The following MRGPRX1 variants were observed in gnomAD, a reference collection of about 807,000 sequenced individuals.
MRGPRX1 encodes the protein MAS related GPR family member X1, also known as mas-related G protein-coupled receptor member X1.
For missense variants in MRGPRX1, 411 were observed against 393.8 expected, an observed-to-expected ratio of 1.04 and a Z score of -0.37; for synonymous variants, 208 against 170.4, an observed-to-expected ratio of 1.22 and a Z score of -1.72.
chr11:18,933,874 C>T lies in MRGPRX1; in HGVS notation c.911G>A (p.Gly304Asp), dbSNP rs771228954. The change falls in exon 2 of 2, where the codon GGT becomes GAT. Residue 304 changes from glycine (G) to aspartate (D), a missense_variant. By Grantham distance (94) the Gly-to-Asp change is moderately conservative. Transcript: ENST00000526914. Reference sequence around the variant, plus strand: ...GATTTCCTCAGGAAGCTGCCCTCCACCTTCATCCACCTCAGACGCGTCCTG... The same window carrying T: ...GATTTCCTCAGGAAGCTGCCCTCCATCTTCATCCACCTCAGACGCGTCCTG... ...ALQDASEVDE[G>D]GGQLPEEILE... 5 of 1,610,422 alleles carry T rather than the reference C, an allele frequency of 3.1e-6. 1 individual carries two copies. The highest frequency in any genetic ancestry group is 3.4e-6 in the Non-Finnish European group (4 of 1,178,112).
rs772396259 is a variant in MRGPRX1 at position 18,933,882 on chromosome 11, C to T, written c.903G>A (p.Val301=). The change falls in exon 2 of 2, where the codon GTG becomes GTA. Residue 301 remains valine, a synonymous_variant. Transcript: ENST00000526914. ...CAGGAAGCTGCCCTCCACCTTCATCCACCTCAGACGCGTCCTGCAGAGCCC... is the reference window on the plus strand; with the variant it reads ...CAGGAAGCTGCCCTCCACCTTCATCTACCTCAGACGCGTCCTGCAGAGCCC... ...LQRALQDASE[V]DEGGGQLPEE... 1.1e-5 allele frequency: 17 copies of T among 1,610,612 alleles called. No individual in the cohort carries two copies. In the South Asian group the frequency reaches 1.7e-4, roughly 16 times the overall value.
chr11:18,934,995 C>G (rs143374728), intron 1 of MRGPRX1, 186 bp from the exon 2 acceptor site: 9,598 of 599,708 alleles, frequency 0.016, 248 homozygotes, highest in Non-Finnish European at 0.018. Flanking sequence ...GACTCTGAAG[C>G]CTGACCTCTC....
chr11:18,933,968 A>G lies in MRGPRX1; in HGVS notation c.817T>C (p.Phe273Leu), dbSNP rs138263314. ...CGCTGCCTAAAGGAGCCCACGAAGA[A>G]GTAAATGATGGGGTTGGCACTGCTG... ...LNSSANPIIY[F>L]FVGSFRQRQN... Residue 273 changes from phenylalanine (F) to leucine (L), a missense_variant, in exon 2 of 2, where the codon TTC (phenylalanine) becomes CTC (leucine). Phe to Leu is a conservative substitution (Grantham distance 22). Transcript: ENST00000526914. 0.027 allele frequency: 43,257 copies of G among 1,603,600 alleles called. 122 individuals are homozygous for G. Among genetic ancestry groups the G allele is most frequent in the Admixed American group, 0.075 (4,387 of 58,542 alleles).
chr11:18,938,948 G>A (rs933784788), intron 1 of MRGPRX1, among the ~76,000 whole-genome samples: 1 of 151,588 alleles, frequency 6.6e-6, no homozygotes, highest in East Asian at 1.9e-4. Flanking sequence ...AACAAAACCT[G>A]CTTCTACAGC....
rs1156361634 is a variant in MRGPRX1, at chr11:18,933,503, A to G, written c.*313T>C. On this transcript the variant is annotated 3_prime_UTR_variant, in exon 2 of 2. Coordinates refer to ENST00000526914, the MANE Select transcript of MRGPRX1 (RefSeq NM_001393578.1). ...AGGAAAGAAGTATAAAGAGTGTTTT[A>G]GGGTTTTGTACAGGAACTCCTTTTA... 6.6e-6 allele frequency among the ~76,000 whole-genome samples: 1 copy of G among 151,520 alleles called. No homozygotes were observed. Among genetic ancestry groups the G allele is most frequent in the Non-Finnish European group, 1.5e-5 (1 of 67,826 alleles).
rs149612531 is a variant in MRGPRX1, at chr11:18,934,191, C to A, written c.594G>T (p.Leu198=). The change falls in exon 2 of 2, where the codon CTG becomes CTT. Residue 198 remains leucine, a synonymous_variant. Coordinates refer to ENST00000526914, the MANE Select transcript of MRGPRX1 (RefSeq NM_001393578.1). ...GGGATCCACAGAGAATCCTGATCAG[C>A]AGGACCAGGCTGGACCCACAGAGAA... ...CVVLCGSSLV[L]LIRILCGSRK... The A allele has an allele frequency of 1.9e-6, 3 of 1,610,462 alleles. No homozygotes were observed. The African/African-American group carries it at 4.0e-5, about 22-fold the overall frequency.
Position 18,933,770 on chromosome 11 carries a change from G to A in MRGPRX1, c.*46C>T, listed in dbSNP as rs377540221. The A allele has an allele frequency of 3.9e-4, 601 of 1,557,416 alleles. No individual in the cohort carries two copies. The highest frequency in any genetic ancestry group is 4.8e-4 in the Non-Finnish European group (557 of 1,153,300). On this transcript the variant is annotated 3_prime_UTR_variant, in exon 2 of 2. Coordinates refer to ENST00000526914, the MANE Select transcript of MRGPRX1 (RefSeq NM_001393578.1). ...GCATATAATTGTCAAGGGTGGCAGGGCAGTGTTGCTCTCAAAGTCCTGTCT... is the reference window on the plus strand; with the variant it reads ...GCATATAATTGTCAAGGGTGGCAGGACAGTGTTGCTCTCAAAGTCCTGTCT...
Position 18,934,563 on chromosome 11 carries a change from G to C in MRGPRX1, c.222C>G (p.Leu74=). The C allele has an allele frequency of 1.2e-6, 2 of 1,609,824 alleles. No individual in the cohort carries two copies. The highest frequency in any genetic ancestry group is 8.5e-7 in the Non-Finnish European group (1 of 1,177,754). The change falls in exon 2 of 2, where the codon CTC becomes CTG. Residue 74 remains leucine (L), a synonymous_variant. Transcript: ENST00000526914. The part of the protein sequence containing the change: ...YILNLAAADF[L]FLSGRLIYSL... The stretch of plus-strand genomic sequence containing the variant: ...AATATATAAGGCGGCCGCTGAGGAA[G>C]AGGAAGTCTGCTGCGGCCAAGTTGA...
At chr11:18,935,594 C>A (rs943104209) in intron 1 of MRGPRX1, among the ~76,000 whole-genome samples, 3 of 151,468 alleles carry the variant, frequency 2.0e-5, no homozygotes, top group African/African-American at 7.3e-5. Flanking sequence ...CTGAAATTGA[C>A]CACTGATGTG....
At chr11:18,934,848 T>G (rs1467420700) in intron 1 of MRGPRX1, 39 bp from the exon 2 acceptor site, 1 of 1,499,610 alleles carries the variant, frequency 6.7e-7, no homozygotes, top group Non-Finnish European at 8.9e-7. Flanking sequence ...AGCTGTATGA[T>G]CTCTGATTCT....
chr11:18,938,568 A>G (rs7111693), intron 1 of MRGPRX1, among the ~76,000 whole-genome samples: 15,174 of 150,772 alleles, frequency 0.1, 1,027 homozygotes, highest in East Asian at 0.22. Flanking sequence ...GGGAATTACA[A>G]TCAACCTGAG....
In MRGPRX1 at chr11:18,934,279, T is replaced by G. The variant is rs780099170; in HGVS notation, c.506A>C (p.Asp169Ala). The G allele has an allele frequency of 6.2e-7, 1 of 1,610,170 alleles. No homozygotes were observed. Among genetic ancestry groups the G allele is most frequent in the Non-Finnish European group, 8.5e-7 (1 of 1,178,060 alleles). ...MLCGFLFSGA[D>A]SAWCQTSDFI... is the part of the protein sequence containing the mutation. ...ATCTGATGTTTGACACCAAGCAGAA[T>G]CAGCACCACTGAACAGGAAGCCACA... is the stretch of plus-strand genomic sequence containing the variant. Residue 169 changes from aspartate to alanine, a missense_variant, in exon 2 of 2, where the codon GAT becomes GCT. By Grantham distance (126) the Asp-to-Ala change is moderately radical (BLOSUM62 -2). Coordinates refer to ENST00000526914, the MANE Select transcript of MRGPRX1 (RefSeq NM_001393578.1).
At chr11:18,937,627 A>T (rs915570397) in intron 1 of MRGPRX1, among the ~76,000 whole-genome samples, 2 of 151,434 alleles carry the variant, frequency 1.3e-5, no homozygotes, top group African/African-American at 2.4e-5. Flanking sequence ...TGTTCAGTAC[A>T]TGCACACCTC....
intron 1 of MRGPRX1, among the ~76,000 whole-genome samples, chr11:18,938,553 AC>A (rs1224027974): frequency 2.0e-5 from 3 of 151,546 alleles, no homozygotes; most frequent in Non-Finnish European, 4.4e-5. Context: ...CCTCCCTCCA[AC>A]ACTGGGAATT....
intron 1 of MRGPRX1, chr11:18,935,075 C>T (rs143866710): frequency 6.6e-4 from 228 of 347,368 alleles, no homozygotes; most frequent in African/African-American, 4.2e-3. Flanking sequence ...ACTCATCTAG[C>T]CAGGGCTGTG....
intron 1 of MRGPRX1, among the ~76,000 whole-genome samples, chr11:18,938,648 C>T (rs1317823174): frequency 1.3e-5 from 2 of 151,502 alleles, no homozygotes; most frequent in African/African-American, 4.8e-5. Context: ...CAAGGCTTCT[C>T]CACCTGCCTG....
Position 18,939,272 on chromosome 11 carries a change from G to A in MRGPRX1, c.-26+8C>T, listed in dbSNP as rs1449983321. The A allele has an allele frequency of 2.6e-5, 4 of 151,622 alleles. No individual in the cohort carries two copies. Among genetic ancestry groups the A allele is most frequent in the Non-Finnish European group, 4.4e-5 (3 of 67,926 alleles). 9.4% of individuals were successfully genotyped at this position (151,622 alleles called of 1,614,324 possible). On this transcript the variant is annotated splice_region_variant and intron_variant, in intron 1 of 1. Transcript: ENST00000526914. ...TGACTATGGAAGAAGACAAATCTTGGTACTTACCCTTATCTTTTTCTCCTT... is the reference window on the plus strand; with the variant it reads ...TGACTATGGAAGAAGACAAATCTTGATACTTACCCTTATCTTTTTCTCCTT...
chr11:18,937,948 C>CAG (rs1848853876), intron 1 of MRGPRX1, among the ~76,000 whole-genome samples: 1 of 151,588 alleles, frequency 6.6e-6, no homozygotes, highest in Admixed American at 6.6e-5. Context: ...CACCTGTAGA[C>CAG]AGAGACTGTC....
At chr11:18,937,077 A>G (rs1361390587) in intron 1 of MRGPRX1, among the ~76,000 whole-genome samples, 1 of 151,528 alleles carries the variant, frequency 6.6e-6, no homozygotes, top group African/African-American at 2.4e-5. Context: ...ACAAGGACCT[A>G]CATTCCAGTT....
Sources: allele counts gnomAD v4.1 joint callset (sites outside exome capture counted in the v4.1 genomes callset), GRCh38; gene constraint gnomAD v4.1.1; transcripts MANE v1.5; gene names NCBI Gene and HGNC (gene_info 2026-07-23, HGNC 2026-07-21).